The following MOB1B variants were observed in gnomAD, a reference collection of about 807,000 sequenced individuals.
MOB1B encodes MOB kinase activator 1B.
A neutral mutation model predicts 24.4 loss-of-function variants in MOB1B; 19 were observed. That is an observed-to-expected ratio of 0.78 (90% confidence interval 0.54 to 1.14). The LOEUF (loss-of-function observed/expected upper bound fraction) is 1.14, where lower values mean the gene tolerates loss of function less well. MOB1B is among the 50% of genes most tolerant of loss of function. The pLI is 0.00. For missense variants in MOB1B, 243 were observed against 259.6 expected, an observed-to-expected ratio of 0.94 and a Z score of 0.44; for synonymous variants, 76 against 82.1, an observed-to-expected ratio of 0.93 and a Z score of 0.40.
chr4:70,915,469 C>T (rs13119998), intron 1 of MOB1B, among the ~76,000 whole-genome samples: 11,505 of 152,220 alleles, frequency 0.076, 488 homozygotes, highest in South Asian at 0.12. Context: ...TTAGTTACTT[C>T]GAGTATGCCC....
intron 2 of MOB1B, among the ~76,000 whole-genome samples, chr4:70,967,062 A>G (rs757444327): frequency 9.2e-5 from 14 of 152,172 alleles, no homozygotes; most frequent in Non-Finnish European, 2.1e-4. Context: ...TAACATTATA[A>G]TAGTAAATGT....
At chr4:70,950,222 G>A (rs1384210413) in intron 1 of MOB1B, among the ~76,000 whole-genome samples, 1 of 151,972 alleles carries the variant, frequency 6.6e-6, no homozygotes, top group African/African-American at 2.4e-5. Flanking sequence ...GATCTCCTGA[G>A]GTCAGGAGTT....
intron 2 of MOB1B, among the ~76,000 whole-genome samples, chr4:70,968,009 A>G (rs534538829): frequency 3.3e-4 from 50 of 151,668 alleles, no homozygotes; most frequent in Non-Finnish European, 1.9e-4. Flanking sequence ...CAGCTAATTT[A>G]TTTATTATTT....
intron 1 of MOB1B, among the ~76,000 whole-genome samples, chr4:70,905,154 A>G (rs1333999000): frequency 6.6e-6 from 1 of 152,216 alleles, no homozygotes; most frequent in Non-Finnish European, 1.5e-5. Context: ...TGAACACCAC[A>G]TGGAAATGAT....
chr4:70,979,363 A>T (rs1039084405), intron 5 of MOB1B, 72 bp downstream of exon 5: 3 of 1,171,706 alleles, frequency 2.6e-6, no homozygotes, highest in African/African-American at 1.5e-5. Flanking sequence ...TAAATACTGT[A>T]TTCACACTGT....
intron 1 of MOB1B, among the ~76,000 whole-genome samples, chr4:70,909,472 T>C (rs1378250648): frequency 6.6e-6 from 1 of 152,048 alleles, no homozygotes; most frequent in Admixed American, 6.6e-5. Context: ...CAGTACACTC[T>C]AGCCTGGGCA....
intron 1 of MOB1B, among the ~76,000 whole-genome samples, chr4:70,946,084 CTT>C (rs11331194): frequency 0.015 from 1,285 of 85,456 alleles, 9 homozygotes; most frequent in African/African-American, 0.031. Flanking sequence ...TTTGTTTGTT[CTT>C]TTTTTTTTTT....
chr4:70,968,831 C>T (rs551164436), intron 2 of MOB1B, among the ~76,000 whole-genome samples: 1 of 152,184 alleles, frequency 6.6e-6, no homozygotes, highest in African/African-American at 2.4e-5. Flanking sequence ...CTATGTTCCC[C>T]AGGCTGGTCT....
intron 1 of MOB1B, among the ~76,000 whole-genome samples, chr4:70,958,024 T>C (rs549181471): frequency 1.5e-3 from 235 of 152,226 alleles, no homozygotes; most frequent in Middle Eastern, 0.01. Flanking sequence ...TGTGTCTCTG[T>C]GTGTGCTTAA....
At chr4:70,934,578 C>A (rs190265899) in intron 1 of MOB1B, among the ~76,000 whole-genome samples, 1 of 151,812 alleles carries the variant, frequency 6.6e-6, no homozygotes, top group South Asian at 2.1e-4. Context: ...CTCAGCCTCC[C>A]GAGTAGCTGG....
intron 5 of MOB1B, among the ~76,000 whole-genome samples, chr4:70,979,678 T>C (rs1243569022): frequency 6.6e-6 from 1 of 152,146 alleles, no homozygotes; most frequent in Non-Finnish European, 1.5e-5. Flanking sequence ...CAGGAATGGG[T>C]TTTGAATATC....
chr4:70,935,847 ATTTTT>A (rs11395356), intron 1 of MOB1B, among the ~76,000 whole-genome samples: 7 of 100,386 alleles, frequency 7.0e-5, no homozygotes, highest in East Asian at 3.0e-4. Flanking sequence ...TGGTACACTA[ATTTTT>A]TTTTTTTTTT....
intron 1 of MOB1B, among the ~76,000 whole-genome samples, chr4:70,911,107 A>G (rs1034488766): frequency 2.6e-5 from 4 of 151,970 alleles, no homozygotes; most frequent in African/African-American, 9.7e-5. Flanking sequence ...AATCTTTTTT[A>G]TTGCATTTTT....
At chr4:70,937,079 C>T (rs767580424) in intron 1 of MOB1B, among the ~76,000 whole-genome samples, 73 of 151,774 alleles carry the variant, frequency 4.8e-4, no homozygotes, top group Non-Finnish European at 8.2e-4. Context: ...CACCACGCCT[C>T]TCTAATTTTT....
At chr4:70,943,226 A>G (rs1560647033) in intron 1 of MOB1B, among the ~76,000 whole-genome samples, 1 of 152,298 alleles carries the variant, frequency 6.6e-6, no homozygotes, top group East Asian at 1.9e-4. Flanking sequence ...AGTTCTAGAG[A>G]TTCCATTAGC....
upstream of MOB1B, chr4:70,902,226 A>C: frequency 3.7e-6 from 2 of 534,116 alleles, no homozygotes; most frequent in Non-Finnish European, 6.7e-6. Flanking sequence ...GTGGGCTTGC[A>C]CCGCTATCGC....
Position 70,983,949 on chromosome 4 carries a change from T to C in MOB1B, c.*1892T>C, listed in dbSNP as rs1439692640. On this transcript the variant is annotated 3_prime_UTR_variant, in exon 6 of 6. Coordinates refer to ENST00000309395, the MANE Select transcript of MOB1B (RefSeq NM_173468.4). Reference sequence around the variant, plus strand: ...GAATCATTATGGGTTGATTCAGAAATAAAATTTGTGAGGTGATTTTGAATC... The same window carrying C: ...GAATCATTATGGGTTGATTCAGAAACAAAATTTGTGAGGTGATTTTGAATC... The C allele has an allele frequency of 4.6e-5, 7 of 152,578 alleles. No homozygotes were observed. The highest frequency in any genetic ancestry group is 1.7e-4 in the African/African-American group (7 of 41,470). 9.5% of individuals were successfully genotyped at this position (152,578 alleles called of 1,614,324 possible).
chr4:70,969,861 C>A, intron 2 of MOB1B, 70 bp from the exon 3 acceptor site: 3 of 853,320 alleles, frequency 3.5e-6, no homozygotes, highest in Non-Finnish European at 3.8e-6. Context: ...CTATTCTGTT[C>A]AAGTACAATT....
intron 1 of MOB1B, among the ~76,000 whole-genome samples, chr4:70,937,788 G>A (rs1025123714): frequency 1.3e-5 from 2 of 151,686 alleles, no homozygotes; most frequent in Admixed American, 1.3e-4. Context: ...GGCCTCCCAA[G>A]GTGCTGAGAT....
Sources: allele counts gnomAD v4.1 joint callset (sites outside exome capture counted in the v4.1 genomes callset), GRCh38; gene constraint gnomAD v4.1.1; transcripts MANE v1.5; gene names NCBI Gene and HGNC (gene_info 2026-07-23, HGNC 2026-07-21).